PPFIA2: variants seen among roughly 807,000 people sequenced by gnomAD.
PPFIA2 encodes the protein liprin-alpha-2.
Under a neutral mutation model 175.5 loss-of-function variants are expected in PPFIA2, and 46 were observed. The ratio of observed to expected loss-of-function variants is 0.26; its 90% CI spans 0.21 to 0.34. The LOEUF (loss-of-function observed/expected upper bound fraction) is 0.34. Ranked by LOEUF, PPFIA2 falls within the 10% of genes least tolerant of loss-of-function variation. The pLI is 1.00. For synonymous variants in PPFIA2, 568 were observed against 511.4 expected (o/e 1.11, Z -1.49); for missense variants, 1,179 against 1,506.1 (o/e 0.78, Z 3.60).
intron 5 of PPFIA2, among the ~76,000 whole-genome samples, chr12:81,446,649 G>A (rs150980629): frequency 1.3e-5 from 2 of 152,286 alleles, no homozygotes; most frequent in East Asian, 3.9e-4. Context: ...AGGCTAACAA[G>A]TGGTGTCTAC....
chr12:81,597,375 G>T (rs565307312), intron 4 of PPFIA2, among the ~76,000 whole-genome samples: 4 of 151,966 alleles, frequency 2.6e-5, no homozygotes, highest in African/African-American at 9.6e-5. Flanking sequence ...CGATAACACA[G>T]AAAATCTTCC....
chr12:81,705,755 T>G lies in PPFIA2; in HGVS notation c.250-28911A>C, dbSNP rs79228710. ...CAGTTGATTATTTTGTCATGATGCA[T>G]GACTGTCTCATCAGCCAGTTGAATT... On this transcript the variant is annotated intron_variant, in intron 3 of 32. Coordinates refer to ENST00000549396, the MANE Select transcript of PPFIA2 (RefSeq NM_003625.5). Among the ~76,000 whole-genome samples the G allele has an allele frequency of 2.0e-5, 3 of 152,306 alleles. No individual in the cohort carries two copies. In the East Asian group the frequency reaches 5.8e-4, roughly 29 times the overall value.
At chr12:81,606,273 C>T (rs893115703) in intron 4 of PPFIA2, among the ~76,000 whole-genome samples, 11 of 151,978 alleles carry the variant, frequency 7.2e-5, no homozygotes, top group African/African-American at 2.2e-4. Context: ...TAGAATGACA[C>T]TGAACATATG....
chr12:81,312,346 T>G (rs2051136903), intron 22 of PPFIA2: 1 of 623,956 alleles, frequency 1.6e-6, no homozygotes, highest in East Asian at 2.7e-5. Context: ...ACATACTCAC[T>G]GCGTCGAAAA....
rs192159664 is a variant in PPFIA2, at chr12:81,403,383, C to T, written c.762+2404G>A. Reference sequence around the variant, plus strand: ...TCATCCTAATTCTGTAACCAGTTCCCGAAAAATAATCTGTCATAAACTGTC... The same window carrying T: ...TCATCCTAATTCTGTAACCAGTTCCTGAAAAATAATCTGTCATAAACTGTC... On this transcript the variant is annotated intron_variant, in intron 8 of 32. Coordinates refer to ENST00000549396, the MANE Select transcript of PPFIA2 (RefSeq NM_003625.5). 1.4e-4 allele frequency among the ~76,000 whole-genome samples: 22 copies of T among 152,240 alleles called. No individual in the cohort carries two copies. In the East Asian group the frequency reaches 2.3e-3, roughly 16 times the overall value.
chr12:81,505,285 A>AG (rs940497518), intron 4 of PPFIA2, among the ~76,000 whole-genome samples: 1 of 151,594 alleles, frequency 6.6e-6, no homozygotes, highest in Non-Finnish European at 1.5e-5. Flanking sequence ...AAAAAAAAAA[A>AG]GAAAGAAAAG....
intron 5 of PPFIA2, among the ~76,000 whole-genome samples, chr12:81,450,301 G>A (rs1566886139): frequency 6.6e-6 from 1 of 152,176 alleles, no homozygotes; most frequent in Non-Finnish European, 1.5e-5. Flanking sequence ...TCCAGCACCT[G>A]TTGTTTCCTC....
intron 7 of PPFIA2, among the ~76,000 whole-genome samples, chr12:81,434,702 A>C (rs932496454): frequency 1.3e-5 from 2 of 152,090 alleles, no homozygotes; most frequent in African/African-American, 4.8e-5. Flanking sequence ...GTACTGACAT[A>C]TATGTATTTA....
At chr12:81,492,233 T>C (rs977900635) in intron 4 of PPFIA2, among the ~76,000 whole-genome samples, 1 of 152,050 alleles carries the variant, frequency 6.6e-6, no homozygotes, top group Non-Finnish European at 1.5e-5. Flanking sequence ...TCTTTTTTTT[T>C]CAAAAGTTTA....
chr12:81,736,668 G>GA (rs961551813), intron 3 of PPFIA2, among the ~76,000 whole-genome samples: 3 of 151,658 alleles, frequency 2.0e-5, no homozygotes, highest in African/African-American at 7.3e-5. Context: ...GAGTACACCA[G>GA]AAAAAAAATT....
chr12:81,735,320 G>A (rs915589369), intron 3 of PPFIA2, among the ~76,000 whole-genome samples: 16 of 151,848 alleles, frequency 1.1e-4, no homozygotes, highest in Middle Eastern at 3.4e-3. Context: ...GTGAAATGTG[G>A]TTTTAATTTG....
At chr12:81,355,277 A>G (rs903699971) in intron 16 of PPFIA2, among the ~76,000 whole-genome samples, 1 of 152,190 alleles carries the variant, frequency 6.6e-6, no homozygotes, top group African/African-American at 2.4e-5. Context: ...TCTGAGCAGT[A>G]AGTCTCAAAT....
chr12:81,369,201 AG>A lies in PPFIA2; in HGVS notation c.1267-8del, dbSNP rs770484638. Reference sequence around the variant, plus strand: ...TTCCATGTCTCTCTTCAGCCTGTTAAGAAATATGAAGAATACACCTGAAATG... The same window carrying A: ...TTCCATGTCTCTCTTCAGCCTGTTAAAAATATGAAGAATACACCTGAAATG... On this transcript the variant is annotated splice_polypyrimidine_tract_variant and splice_region_variant and intron_variant, in intron 11 of 32. Coordinates refer to ENST00000549396, the MANE Select transcript of PPFIA2 (RefSeq NM_003625.5). The A allele has an allele frequency of 2.7e-3, 4,369 of 1,604,488 alleles. 14 individuals carry two copies. Among genetic ancestry groups the A allele is most frequent in the Middle Eastern group, 7.5e-3 (45 of 6,010 alleles).
At chr12:81,673,921 T>G (rs1359820517) in intron 4 of PPFIA2, among the ~76,000 whole-genome samples, 1 of 152,044 alleles carries the variant, frequency 6.6e-6, no homozygotes, top group Non-Finnish European at 1.5e-5. Flanking sequence ...TAAAATCTAT[T>G]GAATTTTCAA....
At chr12:81,599,263 T>C (rs1293019911) in intron 4 of PPFIA2, among the ~76,000 whole-genome samples, 1 of 151,964 alleles carries the variant, frequency 6.6e-6, no homozygotes, top group Non-Finnish European at 1.5e-5. Context: ...AAAAACCACC[T>C]ACTTTAAACC....
At chr12:81,691,699 C>G (rs2075265171) in intron 3 of PPFIA2, among the ~76,000 whole-genome samples, 1 of 152,004 alleles carries the variant, frequency 6.6e-6, no homozygotes, top group African/African-American at 2.4e-5. Flanking sequence ...AAGATTAATT[C>G]AACAAGGACC....
At chr12:81,273,090 C>A (rs1166709593) in intron 28 of PPFIA2, among the ~76,000 whole-genome samples, 1 of 151,914 alleles carries the variant, frequency 6.6e-6, no homozygotes, top group African/African-American at 2.4e-5. Context: ...ATTTTTTTTA[C>A]TGTATTATCA....
chr12:81,700,640 A>G (rs1397920742), intron 3 of PPFIA2, among the ~76,000 whole-genome samples: 1 of 152,100 alleles, frequency 6.6e-6, no homozygotes, highest in African/African-American at 2.4e-5. Context: ...ATTGTGCACT[A>G]TGTCTGAATT....
rs145763927 is a variant in PPFIA2, at chr12:81,527,701, C to T, written c.304-69835G>A. Among the ~76,000 whole-genome samples the T allele has an allele frequency of 1.1e-3, 165 of 152,110 alleles. No homozygotes were observed. In the East Asian group the frequency reaches 0.024, roughly 22 times the overall value. ...TGAATTCTTATGTTCCACCCAAATTCGTATGTTGGAACTCTATCACCTAAT... is the reference window on the plus strand; with the variant it reads ...TGAATTCTTATGTTCCACCCAAATTTGTATGTTGGAACTCTATCACCTAAT... On this transcript the variant is annotated intron_variant, in intron 4 of 32. Transcript: ENST00000549396.
Sources: gnomAD v4.1 joint callset for allele counts (sites outside exome capture counted in the v4.1 genomes callset) on GRCh38, gnomAD v4.1.1 for gene constraint, MANE v1.5 for transcripts, NCBI Gene and HGNC (gene_info 2026-07-23, HGNC 2026-07-21) for gene names.